The following GNAZ variants were observed in gnomAD, a reference collection of about 807,000 sequenced individuals.
GNAZ encodes guanine nucleotide-binding protein G(z) subunit alpha.
GNAZ carries 3 observed loss-of-function variants against 25.4 expected under a neutral mutation model. The ratio of observed to expected loss-of-function variants is 0.12; its 90% CI spans 0.05 to 0.30. The LOEUF (loss-of-function observed/expected upper bound fraction) is 0.30, where lower values mean the gene tolerates loss of function less well. GNAZ is among the 10% of genes least tolerant of loss of function. The pLI, the probability that GNAZ is intolerant of heterozygous loss-of-function variation, is 1.00. For synonymous variants in GNAZ, 211 were observed against 205.7 expected (o/e 1.03, Z -0.22); for missense variants, 241 against 501.8 (o/e 0.48, Z 4.97).
At chr22:23,083,041 A>G (rs1210573734) in intron 1 of GNAZ, among the ~76,000 whole-genome samples, 3 of 152,156 alleles carry the variant, frequency 2.0e-5, no homozygotes, top group Middle Eastern at 6.8e-3. Flanking sequence ...GGCTCCAGGG[A>G]AGTTGGGAGA....
intron 2 of GNAZ, among the ~76,000 whole-genome samples, chr22:23,114,762 G>A (rs574478298): frequency 1.3e-5 from 2 of 152,186 alleles, no homozygotes; most frequent in Non-Finnish European, 2.9e-5. Flanking sequence ...AGGAGGTTGG[G>A]CCTGCATTGG....
At position 23,095,867 on chromosome 22, in the gene GNAZ, A is replaced by G. The variant is rs1243088869; in HGVS notation, c.172A>G (p.Ser58Gly). 6.2e-7 allele frequency: 1 copy of G among 1,613,786 alleles called. No individual in the cohort carries two copies. The highest frequency in any genetic ancestry group is 1.7e-5 in the Admixed American group (1 of 60,032). The change falls in exon 2 of 3, where the codon AGC (serine) becomes GGC (glycine). Residue 58 changes from serine (S) to glycine (G), a missense_variant. By Grantham distance (56) the Ser-to-Gly change is moderately conservative (BLOSUM62 0). Transcript: ENST00000615612. Reference sequence around the variant, plus strand: ...CGTCAAACAGATGAAGATCATCCACAGCGGCGGCTTCAACCTGGAGGCCTG... The same window carrying G: ...CGTCAAACAGATGAAGATCATCCACGGCGGCGGCTTCAACCTGGAGGCCTG... Reference protein sequence around the residue: ...TIVKQMKIIHSGGFNLEACKE... With the variant: ...TIVKQMKIIHGGGFNLEACKE...
intron 2 of GNAZ, among the ~76,000 whole-genome samples, chr22:23,108,349 G>T (rs560228958): frequency 6.6e-6 from 1 of 152,254 alleles, no homozygotes; most frequent in Non-Finnish European, 1.5e-5. Context: ...AAATTAAAAG[G>T]GTTGGGGTTG....
intron 2 of GNAZ, among the ~76,000 whole-genome samples, chr22:23,117,485 C>T (rs1375819224): frequency 6.6e-6 from 1 of 152,226 alleles, no homozygotes; most frequent in Admixed American, 6.5e-5. Context: ...GCTGAGCTGG[C>T]CCTGCATTTG....
At chr22:23,081,884 G>T (rs1232495281) in intron 1 of GNAZ, among the ~76,000 whole-genome samples, 1 of 150,522 alleles carries the variant, frequency 6.6e-6, no homozygotes, top group African/African-American at 2.4e-5. Flanking sequence ...CCAGCACTTT[G>T]GGGGGCCGAG....
At chr22:23,117,243 T>TGA (rs3831684) in intron 2 of GNAZ, among the ~76,000 whole-genome samples, 86,458 of 151,798 alleles carry the variant, frequency 0.57, 24,968 homozygotes, top group African/African-American at 0.64. Flanking sequence ...TGATGGGGAA[T>TGA]GAGAGGGGCT....
At chr22:23,084,541 G>A (rs1205035854) in intron 1 of GNAZ, among the ~76,000 whole-genome samples, 1 of 152,302 alleles carries the variant, frequency 6.6e-6, no homozygotes, top group East Asian at 1.9e-4. Flanking sequence ...TAAACCATCA[G>A]GCCTTCTTGC....
intron 1 of GNAZ, among the ~76,000 whole-genome samples, chr22:23,081,659 T>C (rs1046340337): frequency 6.6e-6 from 1 of 151,664 alleles, no homozygotes; most frequent in Non-Finnish European, 1.5e-5. Context: ...CTGTCTCTAC[T>C]AAAAATACAA....
chr22:23,119,546 T>C (rs761186289), intron 2 of GNAZ, among the ~76,000 whole-genome samples: 3 of 152,212 alleles, frequency 2.0e-5, no homozygotes, highest in Non-Finnish European at 4.4e-5. Context: ...AGCACCACAC[T>C]GTCCCATGCT....
intron 1 of GNAZ, among the ~76,000 whole-genome samples, chr22:23,073,601 CCTTTCGTGCGAACACCGCCAGGGGAGGCG>C (rs1302297979): frequency 6.6e-6 from 1 of 152,196 alleles, no homozygotes; most frequent in Non-Finnish European, 1.5e-5. Context: ...ACATTTTGGC[CCTTTCGTGCGAACACCGCCAGGGGAGGCG>C]CTTCACAGGA....
chr22:23,100,432 A>C (rs552315645), intron 2 of GNAZ, among the ~76,000 whole-genome samples: 1 of 152,298 alleles, frequency 6.6e-6, no homozygotes, highest in South Asian at 2.1e-4. Flanking sequence ...GCTGGTCAAC[A>C]TGTTATCAGT....
chr22:23,081,527 T>C (rs764271924), intron 1 of GNAZ, among the ~76,000 whole-genome samples: 1 of 151,970 alleles, frequency 6.6e-6, no homozygotes, highest in Non-Finnish European at 1.5e-5. Context: ...AATCAGGTTA[T>C]AGGCCAATAT....
intron 2 of GNAZ, among the ~76,000 whole-genome samples, chr22:23,105,375 T>C (rs1224832873): frequency 1.3e-5 from 2 of 152,246 alleles, no homozygotes; most frequent in African/African-American, 4.8e-5. Context: ...ACCATCTTTT[T>C]GGCCATAGGC....
intron 2 of GNAZ, among the ~76,000 whole-genome samples, chr22:23,115,524 G>A (rs939517119): frequency 5.9e-5 from 9 of 152,164 alleles, no homozygotes; most frequent in Non-Finnish European, 1.0e-4. Context: ...AGGGGGTCTC[G>A]GGTTGCCCAG....
intron 1 of GNAZ, among the ~76,000 whole-genome samples, chr22:23,077,132 G>A (rs1331460301): frequency 6.6e-6 from 1 of 152,182 alleles, no homozygotes; most frequent in African/African-American, 2.4e-5. Context: ...GGATTTAGAT[G>A]AGCTTGCCAG....
chr22:23,109,960 C>T (rs2069599852), intron 2 of GNAZ, among the ~76,000 whole-genome samples: 1 of 152,224 alleles, frequency 6.6e-6, no homozygotes, highest in African/African-American at 2.4e-5. Context: ...GACAGGAGCT[C>T]ACTGAGTCAT....
In GNAZ at chr22:23,095,749, A is replaced by G; in HGVS notation, c.54A>G (p.Arg18=). 2 of 1,612,650 alleles carry G rather than the reference A, an allele frequency of 1.2e-6. No individual in the cohort carries two copies. Among genetic ancestry groups the G allele is most frequent in the South Asian group, 1.1e-5 (1 of 91,082 alleles). Residue 18 remains arginine, a synonymous_variant, in exon 2 of 3, where the codon AGA becomes AGG. Transcript: ENST00000615612. ...EEKEAARRSR[R]IDRHLRSESQ... is the part of the protein sequence containing the mutation. ...AAGAAGCAGCCCGGCGGTCCCGGAG[A>G]ATTGACCGCCACCTGCGCTCAGAGA...
chr22:23,096,750 T>C lies in GNAZ; in HGVS notation c.723+332T>C, dbSNP rs182679039. Among the ~76,000 whole-genome samples, 9 of 152,318 alleles carry C rather than the reference T, an allele frequency of 5.9e-5. No homozygotes were observed. The East Asian group carries it at 1.7e-3, about 29-fold the overall frequency. ...TGCCAGCACCAGTCTCCTACCAGCA[T>C]ATAGGTCCAGGAACAGCAGCCACCC... On this transcript the variant is annotated intron_variant, in intron 2 of 2. Coordinates refer to ENST00000615612, the MANE Select transcript of GNAZ (RefSeq NM_002073.4).
At chr22:23,092,478 G>A (rs971427872) in intron 1 of GNAZ, among the ~76,000 whole-genome samples, 1 of 152,148 alleles carries the variant, frequency 6.6e-6, no homozygotes, top group Non-Finnish European at 1.5e-5. Flanking sequence ...TCTGAAAGAC[G>A]AGGGTCCTCA....
Sources: gnomAD v4.1 joint callset for allele counts (sites outside exome capture counted in the v4.1 genomes callset) on GRCh38, gnomAD v4.1.1 for gene constraint, MANE v1.5 for transcripts, NCBI Gene and HGNC (gene_info 2026-07-23, HGNC 2026-07-21) for gene names.